SAMSN1: variants seen among roughly 807,000 people sequenced by gnomAD.
The protein encoded by SAMSN1 is SAM domain-containing protein SAMSN-1.
Under a neutral mutation model 42.0 loss-of-function variants are expected in SAMSN1, and 31 were observed. The ratio of observed to expected loss-of-function variants is 0.74; its 90% CI spans 0.55 to 1.00. The LOEUF (loss-of-function observed/expected upper bound fraction) is 1.00. Ranked by LOEUF, SAMSN1 falls within the 50% of genes least tolerant of loss-of-function variation. The probability of loss-of-function intolerance (pLI) is 0.00; values close to 1 mark genes in which losing one functional copy is unlikely to be tolerated. For synonymous variants in SAMSN1, 178 were observed against 151.9 expected (o/e 1.17, Z -1.26); for missense variants, 464 against 439.4 (o/e 1.06, Z -0.50).
intron 5 of SAMSN1, among the ~76,000 whole-genome samples, chr21:14,604,990 G>T (rs1030674895): frequency 6.6e-6 from 1 of 152,214 alleles, no homozygotes; most frequent in African/African-American, 2.4e-5. Flanking sequence ...TGCCACAATA[G>T]ATTATCAGAA....
At chr21:14,591,357 C>T (rs187351937) in intron 7 of SAMSN1, 120 of 152,140 alleles carry the variant, frequency 7.9e-4, no homozygotes, top group African/African-American at 2.7e-3. Context: ...ACCTAATCTA[C>T]GGGAGGTGCA....
At chr21:14,589,616 T>G (rs1982019374) in intron 7 of SAMSN1, among the ~76,000 whole-genome samples, 1 of 152,112 alleles carries the variant, frequency 6.6e-6, no homozygotes, top group African/African-American at 2.4e-5. Flanking sequence ...AGCTTTTAAA[T>G]CTCTCTTGAT....
At chr21:14,573,729 C>A (rs557956174) in intron 2 of SAMSN1, among the ~76,000 whole-genome samples, 4 of 152,210 alleles carry the variant, frequency 2.6e-5, no homozygotes, top group South Asian at 4.1e-4. Flanking sequence ...TTGAAGACAG[C>A]AAGGATCTTA....
At chr21:14,625,826 T>C (rs937381523) in intron 2 of SAMSN1, among the ~76,000 whole-genome samples, 5 of 152,122 alleles carry the variant, frequency 3.3e-5, no homozygotes, top group African/African-American at 9.7e-5. Context: ...GCCAGGACAA[T>C]CCTAAGCCAA....
At chr21:14,617,427 C>G (rs2123335571) in intron 2 of SAMSN1, among the ~76,000 whole-genome samples, 1 of 152,306 alleles carries the variant, frequency 6.6e-6, no homozygotes, top group South Asian at 2.1e-4. Flanking sequence ...TCACATTTAA[C>G]AAGCTTTGTG....
At chr21:14,522,824 G>C (rs1180817310) in intron 1 of SAMSN1, among the ~76,000 whole-genome samples, 1 of 152,150 alleles carries the variant, frequency 6.6e-6, no homozygotes, top group Non-Finnish European at 1.5e-5. Flanking sequence ...TGAGTGGCCA[G>C]AGCCTATCCC....
chr21:14,619,911 C>T (rs1474374326), intron 2 of SAMSN1, among the ~76,000 whole-genome samples: 1 of 152,014 alleles, frequency 6.6e-6, no homozygotes, highest in Non-Finnish European at 1.5e-5. Flanking sequence ...GTGTGACATC[C>T]CTTTTCTCTG....
chr21:14,618,182 T>C (rs1326971871), intron 2 of SAMSN1, among the ~76,000 whole-genome samples: 2 of 152,210 alleles, frequency 1.3e-5, no homozygotes, highest in Non-Finnish European at 2.9e-5. Flanking sequence ...TCAGTTTAGG[T>C]TTGGGAAATT....
chr21:14,490,538 G>A (rs1484220148), intron 7 of SAMSN1, among the ~76,000 whole-genome samples: 1 of 152,066 alleles, frequency 6.6e-6, no homozygotes, highest in Non-Finnish European at 1.5e-5. Context: ...AATTTTAGTG[G>A]ACAACATGGC....
chr21:14,622,725 A>G (rs893491010), intron 2 of SAMSN1, among the ~76,000 whole-genome samples: 21 of 152,210 alleles, frequency 1.4e-4, no homozygotes, highest in African/African-American at 4.6e-4. Flanking sequence ...AACTTCCCCA[A>G]CCTAGCAAGG....
chr21:14,607,042 A>G (rs1449296614), intron 5 of SAMSN1, among the ~76,000 whole-genome samples: 1 of 152,188 alleles, frequency 6.6e-6, no homozygotes, highest in African/African-American at 2.4e-5. Flanking sequence ...CTTGAATTTT[A>G]TAAGATTGCT....
chr21:14,547,187 T>A (rs1277232590), upstream of SAMSN1, among the ~76,000 whole-genome samples: 1 of 152,232 alleles, frequency 6.6e-6, no homozygotes, highest in Non-Finnish European at 1.5e-5. Flanking sequence ...ACTTTTCTAA[T>A]GTATTAAGAT....
intron 1 of SAMSN1, among the ~76,000 whole-genome samples, chr21:14,531,549 G>A (rs1433253342): frequency 1.3e-5 from 2 of 151,728 alleles, no homozygotes; most frequent in South Asian, 2.1e-4. Flanking sequence ...GGAAGAATGT[G>A]CAGTACTTTT....
chr21:14,658,203 C>T (rs1221386657), intron 1 of SAMSN1, among the ~76,000 whole-genome samples: 2 of 151,716 alleles, frequency 1.3e-5, no homozygotes, highest in African/African-American at 4.8e-5. Context: ...AATGTGAAAA[C>T]GAATTTGAGA....
chr21:14,575,914 T>A (rs1981444472), intron 2 of SAMSN1, among the ~76,000 whole-genome samples: 1 of 152,230 alleles, frequency 6.6e-6, no homozygotes, highest in African/African-American at 2.4e-5. Context: ...GTCTACATCA[T>A]GGATTCTTAC....
intron 2 of SAMSN1, among the ~76,000 whole-genome samples, chr21:14,634,316 G>A (rs1044023577): frequency 3.3e-5 from 5 of 152,002 alleles, no homozygotes; most frequent in African/African-American, 1.2e-4. Flanking sequence ...TTGACAAATG[G>A]GATCTAATTA....
intron 1 of SAMSN1, among the ~76,000 whole-genome samples, chr21:14,538,614 C>CA (rs1039056769): frequency 3.9e-5 from 6 of 151,974 alleles, no homozygotes; most frequent in Admixed American, 2.6e-4. Flanking sequence ...AGTCTTGATA[C>CA]AAAAAAACAG....
upstream of SAMSN1, among the ~76,000 whole-genome samples, chr21:14,586,037 G>A (rs1033515748): frequency 1.3e-5 from 2 of 151,844 alleles, no homozygotes; most frequent in African/African-American, 4.8e-5. Context: ...GGCTGAGGTG[G>A]GCGGATCATG....
chr21:14,574,875 C>G (rs1424901253), intron 2 of SAMSN1, among the ~76,000 whole-genome samples: 1 of 152,112 alleles, frequency 6.6e-6, no homozygotes, highest in Non-Finnish European at 1.5e-5. Context: ...ATTCTACAAG[C>G]TCTTCTTTAT....
Sources: gnomAD v4.1 joint callset for allele counts (sites outside exome capture counted in the v4.1 genomes callset) on GRCh38, gnomAD v4.1.1 for gene constraint, MANE v1.5 for transcripts, NCBI Gene and HGNC (gene_info 2026-07-23, HGNC 2026-07-21) for gene names.